NECAB1: variants seen among roughly 807,000 people sequenced by gnomAD.
NECAB1 encodes N-terminal EF-hand calcium-binding protein 1.
Under a neutral mutation model 57.5 loss-of-function variants are expected in NECAB1, and 29 were observed. The ratio of observed to expected loss-of-function variants is 0.50; its 90% CI spans 0.38 to 0.69. The LOEUF is 0.69. Among genes scored for constraint, NECAB1 ranks in the 30% least tolerant of loss-of-function variants. NECAB1 has a pLI of 0.00. For synonymous variants in NECAB1, 142 were observed against 147.7 expected (o/e 0.96, Z 0.28); for missense variants, 372 against 413.8 (o/e 0.90, Z 0.88).
intron 1 of NECAB1, among the ~76,000 whole-genome samples, chr8:90,794,128 TTG>T (rs1811621577): frequency 6.6e-6 from 1 of 152,236 alleles, no homozygotes; most frequent in Non-Finnish European, 1.5e-5. Flanking sequence ...CCATTGGATT[TTG>T]TGTCAAATGG....
chr8:90,839,656 T>A (rs943317887), intron 3 of NECAB1, among the ~76,000 whole-genome samples: 1 of 152,106 alleles, frequency 6.6e-6, no homozygotes, highest in Non-Finnish European at 1.5e-5. Flanking sequence ...CCAGAGAGAA[T>A]AGCACATATG....
intron 3 of NECAB1, among the ~76,000 whole-genome samples, chr8:90,838,458 G>A (rs1812404974): frequency 6.6e-6 from 1 of 152,172 alleles, no homozygotes; most frequent in Non-Finnish European, 1.5e-5. Flanking sequence ...CCAGTTCAGG[G>A]TTGCAGGTGG....
chr8:90,913,097 A>G (rs1169244900), intron 5 of NECAB1, among the ~76,000 whole-genome samples: 3 of 152,214 alleles, frequency 2.0e-5, no homozygotes, highest in African/African-American at 4.8e-5. Flanking sequence ...TAATTAACTC[A>G]GATGATTCTA....
chr8:90,822,894 G>A (rs1463338973), intron 2 of NECAB1, among the ~76,000 whole-genome samples: 2 of 150,962 alleles, frequency 1.3e-5, no homozygotes, highest in Admixed American at 6.6e-5. Flanking sequence ...TACATGAAAA[G>A]GTCTTTCTTT....
chr8:90,897,219 T>G (rs1586099926), intron 5 of NECAB1, among the ~76,000 whole-genome samples: 1 of 152,360 alleles, frequency 6.6e-6, no homozygotes, highest in East Asian at 1.9e-4. Flanking sequence ...ACAGATTTAC[T>G]ATAGGTCCAC....
In NECAB1 at chr8:90,955,672, A is replaced by G. The variant is rs1229863933; in HGVS notation, c.*160A>G. On this transcript the variant is annotated 3_prime_UTR_variant, in exon 13 of 13. Coordinates refer to ENST00000417640, the MANE Select transcript of NECAB1 (RefSeq NM_022351.5). ...CAAAACTTATTCTATAACTTTATCA[A>G]TTCATGTGAATTTTAGCTCAATTTT... is the stretch of plus-strand genomic sequence containing the variant. 1 of 487,466 alleles carries G rather than the reference A, an allele frequency of 2.1e-6. No homozygotes were observed. The highest frequency in any genetic ancestry group is 3.8e-5 in the South Asian group (1 of 26,148). 30.2% of individuals were successfully genotyped at this position (487,466 alleles called of 1,614,324 possible).
At chr8:90,941,682 T>G (rs1473832579) in intron 10 of NECAB1, among the ~76,000 whole-genome samples, 5 of 152,218 alleles carry the variant, frequency 3.3e-5, no homozygotes, top group African/African-American at 1.2e-4. Context: ...TACTATTATT[T>G]GTTCTCCCTC....
chr8:90,942,314 T>C (rs1043255844), intron 10 of NECAB1, among the ~76,000 whole-genome samples: 1 of 152,170 alleles, frequency 6.6e-6, no homozygotes, highest in African/African-American at 2.4e-5. Flanking sequence ...TTACTACTGT[T>C]TCCTGGTTGT....
chr8:90,886,247 A>C (rs1029730154), intron 5 of NECAB1, among the ~76,000 whole-genome samples: 1 of 152,166 alleles, frequency 6.6e-6, no homozygotes, highest in African/African-American at 2.4e-5. Context: ...GCTCTGGATG[A>C]ATTTATAAAG....
chr8:90,818,400 T>C (rs1301273424), intron 2 of NECAB1, among the ~76,000 whole-genome samples: 2 of 152,066 alleles, frequency 1.3e-5, no homozygotes, highest in Non-Finnish European at 2.9e-5. Flanking sequence ...GGTTCTTTCT[T>C]CTTTTAACAT....
chr8:90,839,007 A>G (rs1246062264), intron 3 of NECAB1, among the ~76,000 whole-genome samples: 2 of 152,206 alleles, frequency 1.3e-5, no homozygotes, highest in Non-Finnish European at 2.9e-5. Flanking sequence ...GTTATTGCAT[A>G]TTGCCTATTT....
chr8:90,844,256 A>G (rs1247463593), intron 3 of NECAB1, among the ~76,000 whole-genome samples: 1 of 152,074 alleles, frequency 6.6e-6, no homozygotes, highest in Non-Finnish European at 1.5e-5. Flanking sequence ...GGGTGTCTTC[A>G]TTCCCACTTG....
intron 10 of NECAB1, among the ~76,000 whole-genome samples, chr8:90,944,345 AT>A (rs1292137125): frequency 6.6e-6 from 1 of 152,170 alleles, no homozygotes; most frequent in Non-Finnish European, 1.5e-5. Context: ...ACTCTGAAGT[AT>A]GGGGAGTTAC....
In NECAB1 at chr8:90,893,636, G is replaced by C. The variant is rs545884430; in HGVS notation, c.357+12506G>C. Among the ~76,000 whole-genome samples the C allele has an allele frequency of 1.6e-4, 25 of 152,224 alleles. 1 individual carries two copies. In the South Asian group the frequency reaches 5.0e-3, roughly 30 times the overall value. On this transcript the variant is annotated intron_variant, in intron 5 of 12. Transcript: ENST00000417640. ...AAAATTTGGAAGGATTGCTTGTCCA[G>C]AGCAACACAATACTCTTTCTGAACT... is the stretch of plus-strand genomic sequence containing the variant.
intron 1 of NECAB1, 25 bp downstream of exon 1, chr8:90,792,010 G>A: frequency 6.5e-7 from 1 of 1,540,530 alleles, no homozygotes; most frequent in Non-Finnish European, 8.8e-7. Flanking sequence ...TGGGAGCTGG[G>A]CGGTTGCTTC....
At chr8:90,809,583 G>A (rs1401834526) in intron 2 of NECAB1, among the ~76,000 whole-genome samples, 1 of 152,174 alleles carries the variant, frequency 6.6e-6, no homozygotes, top group African/African-American at 2.4e-5. Flanking sequence ...TTACTGACGT[G>A]GACATGTGCA....
rs1462401292 is a variant in NECAB1, at chr8:90,925,769, T to C, written c.616+113T>C. ...CAATAGTAATGGAACACTTTCCTTATACCAAGTAAGTTTGAGACAGAAGCA... is the reference window on the plus strand; with the variant it reads ...CAATAGTAATGGAACACTTTCCTTACACCAAGTAAGTTTGAGACAGAAGCA... On this transcript the variant is annotated intron_variant, in intron 7 of 12. Coordinates refer to ENST00000417640, the MANE Select transcript of NECAB1 (RefSeq NM_022351.5). 4 of 1,396,384 alleles carry C rather than the reference T, an allele frequency of 2.9e-6. 1 individual carries two copies. The African/African-American group carries it at 5.7e-5, about 20-fold the overall frequency. 86.5% of individuals were successfully genotyped at this position (1,396,384 alleles called of 1,614,324 possible). A position where few individuals can be genotyped will look rare whatever the true frequency, so the allele number is the denominator to read the frequency against.
intron 9 of NECAB1, among the ~76,000 whole-genome samples, chr8:90,934,565 A>T (rs1307109563): frequency 2.0e-5 from 3 of 152,158 alleles, no homozygotes; most frequent in Non-Finnish European, 4.4e-5. Context: ...CTGGCATGTA[A>T]TAGGTGCAAA....
At chr8:90,823,701 G>A (rs1413443651) in intron 2 of NECAB1, among the ~76,000 whole-genome samples, 1 of 151,826 alleles carries the variant, frequency 6.6e-6, no homozygotes, top group African/African-American at 2.4e-5. Context: ...GTTGGTAGAA[G>A]TACATTATAG....
Sources: gnomAD v4.1 joint callset for allele counts (sites outside exome capture counted in the v4.1 genomes callset) on GRCh38, gnomAD v4.1.1 for gene constraint, MANE v1.5 for transcripts, NCBI Gene and HGNC (gene_info 2026-07-23, HGNC 2026-07-21) for gene names.